MYO1D: variants seen among roughly 807,000 people sequenced by gnomAD.
The protein encoded by MYO1D is myosin ID, also known as unconventional myosin-Id.
In MYO1D, 83 loss-of-function variants were observed where a neutral mutation model predicts 122.0. The ratio of observed to expected loss-of-function variants is 0.68; its 90% CI spans 0.57 to 0.82. The LOEUF (loss-of-function observed/expected upper bound fraction) is 0.82, where lower values mean the gene tolerates loss of function less well. Ranked by LOEUF, MYO1D falls within the 40% of genes least tolerant of loss-of-function variation. MYO1D has a pLI of 0.00. For missense variants in MYO1D, 1,157 were observed against 1,269.5 expected (o/e 0.91, Z 1.35); for synonymous variants, 464 against 446.9 (o/e 1.04, Z -0.48).
intron 1 of MYO1D, among the ~76,000 whole-genome samples, chr17:32,861,097 C>T (rs1223707029): frequency 2.2e-4 from 32 of 143,764 alleles, no homozygotes; most frequent in Non-Finnish European, 4.0e-4. Flanking sequence ...GAAACGGAGT[C>T]TCGCTCTGTT....
chr17:32,570,543 G>A (rs1270468077), intron 21 of MYO1D, among the ~76,000 whole-genome samples: 1 of 151,996 alleles, frequency 6.6e-6, no homozygotes, highest in Non-Finnish European at 1.5e-5. Context: ...TAGTAGAGAC[G>A]GGGTTTCACT....
At chr17:32,537,155 G>A (rs1196814181) in intron 21 of MYO1D, among the ~76,000 whole-genome samples, 4 of 152,076 alleles carry the variant, frequency 2.6e-5, no homozygotes, top group East Asian at 1.9e-4. Context: ...TTTCAGTCCC[G>A]TGTGGCCCAT....
At chr17:32,653,749 A>T in intron 19 of MYO1D, 94 bp downstream of exon 19, 1 of 1,018,894 alleles carries the variant, frequency 9.8e-7, no homozygotes. Flanking sequence ...CTAGTTATGT[A>T]CCTACTGTTA....
At chr17:32,864,671 G>C (rs1412381253) in intron 1 of MYO1D, among the ~76,000 whole-genome samples, 3 of 151,578 alleles carry the variant, frequency 2.0e-5, no homozygotes, top group African/African-American at 4.9e-5. Context: ...CCAAAAACTG[G>C]AGTTATTACA....
intron 16 of MYO1D, among the ~76,000 whole-genome samples, chr17:32,659,626 A>C (rs1255124128): frequency 2.0e-5 from 3 of 152,244 alleles, no homozygotes. Flanking sequence ...TGAAAAGAAG[A>C]AAGCCAAAAT....
chr17:32,672,301 G>C (rs2088732938), intron 16 of MYO1D, among the ~76,000 whole-genome samples: 2 of 152,138 alleles, frequency 1.3e-5, no homozygotes, highest in African/African-American at 4.8e-5. Context: ...TCTCCTAAAT[G>C]TATCACACTT....
intron 21 of MYO1D, among the ~76,000 whole-genome samples, chr17:32,561,113 T>C (rs2087121549): frequency 6.6e-6 from 1 of 151,742 alleles, no homozygotes; most frequent in African/African-American, 2.4e-5. Context: ...GGTTTCACCA[T>C]GTTGGCCAGG....
intron 1 of MYO1D, among the ~76,000 whole-genome samples, chr17:32,858,928 T>G (rs2091048250): frequency 6.6e-6 from 1 of 152,236 alleles, no homozygotes; most frequent in African/African-American, 2.4e-5. Flanking sequence ...CATCATTCTT[T>G]GAGGATTTCC....
chr17:32,666,208 G>C (rs969489498), intron 16 of MYO1D, among the ~76,000 whole-genome samples: 1 of 152,104 alleles, frequency 6.6e-6, no homozygotes, highest in Non-Finnish European at 1.5e-5. Flanking sequence ...CCTACCTACA[G>C]AGGCACCCAG....
intron 21 of MYO1D, among the ~76,000 whole-genome samples, chr17:32,549,499 A>C (rs1282443803): frequency 6.6e-6 from 1 of 152,206 alleles, no homozygotes; most frequent in East Asian, 1.9e-4. Context: ...GGGGCATAGC[A>C]CTGACTTTCT....
chr17:32,773,069 T>G (rs1196688409), intron 4 of MYO1D, among the ~76,000 whole-genome samples: 2 of 152,148 alleles, frequency 1.3e-5, no homozygotes, highest in African/African-American at 4.8e-5. Flanking sequence ...CCTTGGGAGA[T>G]CAATCCCCTG....
At chr17:32,736,310 A>G (rs1454984197) in intron 14 of MYO1D, among the ~76,000 whole-genome samples, 2 of 152,188 alleles carry the variant, frequency 1.3e-5, no homozygotes, top group Non-Finnish European at 2.9e-5. Flanking sequence ...ACTGCTGACC[A>G]GAATGAAAAT....
intron 16 of MYO1D, among the ~76,000 whole-genome samples, chr17:32,690,946 CT>C (rs1323189982): frequency 6.6e-6 from 1 of 152,124 alleles, no homozygotes; most frequent in African/African-American, 2.4e-5. Flanking sequence ...TATATTGTTG[CT>C]AAGTACAGTC....
chr17:32,853,693 TA>T (rs2091007172), intron 1 of MYO1D, among the ~76,000 whole-genome samples: 1 of 152,240 alleles, frequency 6.6e-6, no homozygotes. Flanking sequence ...AATTAACTGC[TA>T]ATTGCTTAAA....
chr17:32,771,101 C>T (rs753917008), intron 6 of MYO1D, 24 bp downstream of exon 6: 1 of 1,519,082 alleles, frequency 6.6e-7, no homozygotes, highest in South Asian at 1.1e-5. Context: ...TCTATTGGAG[C>T]AATCTCAAAG....
intron 21 of MYO1D, among the ~76,000 whole-genome samples, chr17:32,575,075 G>T (rs1317419009): frequency 6.6e-6 from 1 of 152,148 alleles, no homozygotes; most frequent in Non-Finnish European, 1.5e-5. Context: ...ATTAATAAAA[G>T]CAATGAAATG....
intron 1 of MYO1D, among the ~76,000 whole-genome samples, chr17:32,821,534 T>TCACACACACA (rs575314294): frequency 0.018 from 2,599 of 143,126 alleles, 77 homozygotes; most frequent in African/African-American, 0.061. Flanking sequence ...GATAAGTAAA[T>TCACACACACA]CACACATACA....
At chr17:32,624,615 C>T (rs1401248233) in intron 20 of MYO1D, among the ~76,000 whole-genome samples, 1 of 152,006 alleles carries the variant, frequency 6.6e-6, no homozygotes, top group Non-Finnish European at 1.5e-5. Context: ...TTTTTCTGGC[C>T]TTCTTGAGAC....
At chr17:32,787,445 G>A (rs1370876646) in intron 1 of MYO1D, among the ~76,000 whole-genome samples, 5 of 150,460 alleles carry the variant, frequency 3.3e-5, no homozygotes, top group African/African-American at 4.9e-5. Flanking sequence ...TTGAGACGGA[G>A]TCTCACTTTG....
Sources: gnomAD v4.1 joint callset for allele counts (sites outside exome capture counted in the v4.1 genomes callset) on GRCh38, gnomAD v4.1.1 for gene constraint, MANE v1.5 for transcripts, NCBI Gene and HGNC (gene_info 2026-07-23, HGNC 2026-07-21) for gene names.